The following STIM1 variants were observed in gnomAD, a reference collection of about 807,000 sequenced individuals.
STIM1 encodes stromal interaction molecule 1.
A neutral mutation model predicts 74.7 loss-of-function variants in STIM1; 25 were observed. That is an observed-to-expected ratio of 0.33 (90% CI 0.24 to 0.47). The LOEUF (loss-of-function observed/expected upper bound fraction) is 0.47, where lower values mean the gene tolerates loss of function less well. Ranked by LOEUF, STIM1 falls within the 20% of genes least tolerant of loss-of-function variation. The pLI is 1.00. For missense variants in STIM1, 728 were observed against 920.8 expected (o/e 0.79, Z 2.71); for synonymous variants, 328 against 348.8 (o/e 0.94, Z 0.66).
At chr11:4,061,747 C>T (rs183430497) in intron 5 of STIM1, among the ~76,000 whole-genome samples, 55 of 152,258 alleles carry the variant, frequency 3.6e-4, no homozygotes, top group Admixed American at 3.3e-3. Context: ...ACCCAACTGT[C>T]TATTAATAGA....
At chr11:3,917,515 A>C (rs1319110473) in intron 1 of STIM1, among the ~76,000 whole-genome samples, 1 of 151,408 alleles carries the variant, frequency 6.6e-6, no homozygotes, top group Non-Finnish European at 1.5e-5. Flanking sequence ...GTTCACTGCA[A>C]CCTTTACCTC....
intron 1 of STIM1, among the ~76,000 whole-genome samples, chr11:3,924,309 C>T (rs1215566807): frequency 1.3e-5 from 2 of 151,300 alleles, no homozygotes; most frequent in African/African-American, 4.9e-5. Flanking sequence ...CACCATTCTC[C>T]TGCCTCAGCC....
At chr11:4,000,884 T>C (rs2093709218) in intron 2 of STIM1, among the ~76,000 whole-genome samples, 2 of 152,052 alleles carry the variant, frequency 1.3e-5, no homozygotes, top group Non-Finnish European at 2.9e-5. Flanking sequence ...TACAGAGAAG[T>C]GCTTAAAGGA....
At chr11:3,861,904 A>G (rs1214102803) in intron 1 of STIM1, among the ~76,000 whole-genome samples, 1 of 152,056 alleles carries the variant, frequency 6.6e-6, no homozygotes, top group Non-Finnish European at 1.5e-5. Context: ...TTCAGACCCA[A>G]GGGGCCCCTC....
rs1418920063 is a variant in STIM1 at position 3,856,546 on chromosome 11, T to A, written c.139+137T>A. On this transcript the variant is annotated intron_variant, in intron 1 of 12. Coordinates refer to ENST00000526596, the MANE Select transcript of STIM1 (RefSeq NM_001382567.1). ...CACACATGGCACTGCCTGTTCCAAG[T>A]AGTTCAAGAAGTTCTTTCTGGTCAG... 3.6e-6 allele frequency: 4 copies of A among 1,109,690 alleles called. No individual in the cohort carries two copies. The African/African-American group carries it at 4.7e-5, about 13-fold the overall frequency. 68.7% of individuals were successfully genotyped at this position (1,109,690 alleles called of 1,614,324 possible).
chr11:4,046,448 A>G (rs1418202816), intron 3 of STIM1, among the ~76,000 whole-genome samples: 1 of 150,520 alleles, frequency 6.6e-6, no homozygotes, highest in African/African-American at 2.4e-5. Flanking sequence ...TTCCCTTCTC[A>G]CCTCCCATGC....
chr11:3,941,663 TATATATATATAG>T (rs774023045), intron 1 of STIM1, among the ~76,000 whole-genome samples: 1,261 of 59,304 alleles, frequency 0.021, 16 homozygotes, highest in Non-Finnish European at 0.03. Context: ...CATATATATA[TATATATATATAG>T]AGAGAGAGAG....
chr11:3,990,879 C>G (rs2093603848), intron 2 of STIM1, among the ~76,000 whole-genome samples: 1 of 151,988 alleles, frequency 6.6e-6, no homozygotes, highest in Admixed American at 6.6e-5. Context: ...TTGCGTGATG[C>G]TGAGGTTTGG....
At chr11:4,053,809 G>A (rs184288668) in intron 3 of STIM1, among the ~76,000 whole-genome samples, 2 of 152,132 alleles carry the variant, frequency 1.3e-5, no homozygotes, top group Non-Finnish European at 2.9e-5. Flanking sequence ...GGGTCTCACT[G>A]TATTGCCCAG....
chr11:3,989,914 C>T (rs2923947), intron 2 of STIM1, among the ~76,000 whole-genome samples: 142,056 of 152,302 alleles, frequency 0.93, 66,277 homozygotes, highest in African/African-American at 0.97. Flanking sequence ...ATTCACATAC[C>T]GTGCAATTCA....
chr11:4,007,413 C>T (rs1242715244), intron 2 of STIM1, among the ~76,000 whole-genome samples: 2 of 152,142 alleles, frequency 1.3e-5, no homozygotes, highest in Non-Finnish European at 2.9e-5. Context: ...GGATGTGGGA[C>T]AGTGTTCAAA....
intron 3 of STIM1, among the ~76,000 whole-genome samples, chr11:4,039,459 C>A (rs1317914659): frequency 1.3e-5 from 2 of 151,342 alleles, no homozygotes; most frequent in Non-Finnish European, 2.9e-5. Context: ...TGGTGGCGGG[C>A]ACCTGTAATC....
At chr11:4,069,330 C>T (rs531277015) in intron 5 of STIM1, among the ~76,000 whole-genome samples, 2 of 152,226 alleles carry the variant, frequency 1.3e-5, no homozygotes, top group South Asian at 2.1e-4. Context: ...CTGGGGCCCT[C>T]GTGGTTCACT....
At chr11:4,004,891 A>G (rs1334760054) in intron 2 of STIM1, among the ~76,000 whole-genome samples, 1 of 152,224 alleles carries the variant, frequency 6.6e-6, no homozygotes, top group African/African-American at 2.4e-5. Context: ...AACTTACAAG[A>G]AAAAAACAGC....
intron 1 of STIM1, among the ~76,000 whole-genome samples, chr11:3,886,830 C>T (rs183357447): frequency 2.0e-5 from 3 of 151,316 alleles, no homozygotes; most frequent in African/African-American, 4.9e-5. Flanking sequence ...GGTGAAACCC[C>T]GTCTTTACTA....
intron 1 of STIM1, among the ~76,000 whole-genome samples, chr11:3,906,057 A>G (rs1401190935): frequency 6.6e-6 from 1 of 152,234 alleles, no homozygotes; most frequent in Non-Finnish European, 1.5e-5. Flanking sequence ...ACTTCTTACC[A>G]GGGCCCCTGA....
intron 1 of STIM1, among the ~76,000 whole-genome samples, chr11:3,869,726 A>G (rs2091007359): frequency 6.6e-6 from 1 of 152,210 alleles, no homozygotes; most frequent in East Asian, 1.9e-4. Context: ...ACAAGGGGAG[A>G]GACCTGACCT....
intron 1 of STIM1, among the ~76,000 whole-genome samples, chr11:3,879,683 G>A (rs1260950904): frequency 6.6e-6 from 1 of 152,128 alleles, no homozygotes. Context: ...TGTAATTAGG[G>A]GCAGAACAGA....
At chr11:3,882,581 AC>A (rs2091556951) in intron 1 of STIM1, among the ~76,000 whole-genome samples, 1 of 152,138 alleles carries the variant, frequency 6.6e-6, no homozygotes, top group Non-Finnish European at 1.5e-5. Context: ...CTGCATATGT[AC>A]CCCGGAACTT....
Sources: gnomAD v4.1 joint callset for allele counts (sites outside exome capture counted in the v4.1 genomes callset) on GRCh38, gnomAD v4.1.1 for gene constraint, MANE v1.5 for transcripts, NCBI Gene and HGNC (gene_info 2026-07-23, HGNC 2026-07-21) for gene names.